The following TSGA13 variants were observed in gnomAD, a reference collection of about 807,000 sequenced individuals.
TSGA13 encodes the protein testis-specific gene 13 protein.
In TSGA13, 37 loss-of-function variants were observed where a neutral mutation model predicts 35.1. The ratio of observed to expected loss-of-function variants is 1.05; its 90% CI spans 0.81 to 1.39. The LOEUF is 1.39. Among genes scored for constraint, TSGA13 ranks in the 40% most tolerant of loss-of-function variants. TSGA13 has a pLI of 0.00. For synonymous variants in TSGA13, 124 were observed against 121.2 expected (o/e 1.02, Z -0.15); for missense variants, 338 against 328.5 (o/e 1.03, Z -0.22).
intron 2 of TSGA13, among the ~76,000 whole-genome samples, chr7:130,684,620 C>A (rs1399020204): frequency 6.6e-6 from 1 of 152,148 alleles, no homozygotes; most frequent in African/African-American, 2.4e-5. Context: ...CTGGCTATAG[C>A]GTGCTACAAA....
At chr7:130,687,403 C>T (rs1255598409), upstream of TSGA13, 1 of 152,174 alleles carries the variant, frequency 6.6e-6, no homozygotes. Context: ...ATTTGTGCCC[C>T]CCTCCCAGTG....
At chr7:130,675,418 C>T (rs1796390370) in intron 5 of TSGA13, among the ~76,000 whole-genome samples, 1 of 151,982 alleles carries the variant, frequency 6.6e-6, no homozygotes, top group Non-Finnish European at 1.5e-5. Flanking sequence ...GAATCTCACT[C>T]TGTTGCCTGG....
rs138738595 is a variant in TSGA13, at chr7:130,679,323, G to A, written c.219C>T (p.Phe73=). The change falls in exon 5 of 8, where the codon TTC becomes TTT. Residue 73 remains phenylalanine (F), a synonymous_variant. Coordinates refer to ENST00000356588, the MANE Select transcript of TSGA13 (RefSeq NM_052933.4). ...KPLKATALQK[F]LAQNRKNTSF... ...TGGTGTTTTTCCTGTTTTGAGCCAG[G>A]AATTTCTGCAGGGCAGTGGCCTTCA... 1.8e-5 allele frequency: 29 copies of A among 1,613,846 alleles called. No homozygotes were observed. In the African/African-American group the frequency reaches 3.7e-4, roughly 21 times the overall value.
chr7:130,681,326 C>T (rs924115373), intron 3 of TSGA13, among the ~76,000 whole-genome samples: 4 of 152,100 alleles, frequency 2.6e-5, no homozygotes, highest in East Asian at 1.9e-4. Context: ...GTTCAGATTG[C>T]GACAAATCTT....
rs141762573 is a variant in TSGA13 at position 130,680,634 on chromosome 7, A to G, written c.174+312T>C. On this transcript the variant is annotated intron_variant, in intron 4 of 7. Coordinates refer to ENST00000356588, the MANE Select transcript of TSGA13 (RefSeq NM_052933.4). The stretch of plus-strand genomic sequence containing the variant: ...GGAGAAAGGCAGAGGGTTGGGGGGA[A>G]GGAAGTGAAAGGGAGAAAATGGATT... Among the ~76,000 whole-genome samples, 782 of 152,272 alleles carry G rather than the reference A, an allele frequency of 5.1e-3. 5 individuals carry two copies. Among genetic ancestry groups the G allele is most frequent in the African/African-American group, 0.018 (743 of 41,548 alleles).
At position 130,679,356 on chromosome 7, in the gene TSGA13, A is replaced by G. The variant is rs782720894; in HGVS notation, c.186T>C (p.Tyr62=). Residue 62 remains tyrosine, a synonymous_variant, in exon 5 of 8, where the codon TAT becomes TAC. Coordinates refer to ENST00000356588, the MANE Select transcript of TSGA13 (RefSeq NM_052933.4). ...YTVHPNLAQY[Y]KPLKATALQK... ...GCAGGGCAGTGGCCTTCAAAGGCTT[A>G]TAGTACTGGGCCTGAACAGACAGAA... is the stretch of plus-strand genomic sequence containing the variant. The G allele has an allele frequency of 2.0e-5, 32 of 1,611,500 alleles. No homozygotes were observed. In the Admixed American group the frequency reaches 5.2e-4, roughly 26 times the overall value.
chr7:130,683,588 C>A lies in TSGA13; in HGVS notation c.102+6G>T. On this transcript the variant is annotated splice_donor_region_variant and intron_variant, in intron 3 of 7. Transcript: ENST00000356588. ...TAAACATTGAACACTTACTAACACTCCTTACCTCTTTGCTATTGACAACCA... is the reference window on the plus strand; with the variant it reads ...TAAACATTGAACACTTACTAACACTACTTACCTCTTTGCTATTGACAACCA... The A allele has an allele frequency of 6.2e-7, 1 of 1,613,390 alleles. No homozygotes were observed. Among genetic ancestry groups the A allele is most frequent in the Non-Finnish European group, 8.5e-7 (1 of 1,179,530 alleles).
chr7:130,670,568 C>T (rs1796239871), intron 7 of TSGA13, among the ~76,000 whole-genome samples: 1 of 152,112 alleles, frequency 6.6e-6, no homozygotes, highest in Admixed American at 6.6e-5. Context: ...AAAACCCAAA[C>T]CTTTATTTAA....
At position 130,669,125 on chromosome 7, in the gene TSGA13, T is replaced by C; in HGVS notation, c.717A>G (p.Thr239=). The C allele has an allele frequency of 6.2e-7, 1 of 1,614,164 alleles. No homozygotes were observed. Among genetic ancestry groups the C allele is most frequent in the Non-Finnish European group, 8.5e-7 (1 of 1,180,026 alleles). The change falls in exon 8 of 8, where the codon ACA becomes ACG. Residue 239 remains threonine, a synonymous_variant. Coordinates refer to ENST00000356588, the MANE Select transcript of TSGA13 (RefSeq NM_052933.4). Reference sequence around the variant, plus strand: ...GCATGTCTTCCAAGAGCGATGCGAGTGTCAGTGGTTCCCGAATCACTTTGG... The same window carrying C: ...GCATGTCTTCCAAGAGCGATGCGAGCGTCAGTGGTTCCCGAATCACTTTGG... ...PISKVIREPL[T]LASLLEDMPT... is the part of the protein sequence containing the mutation.
chr7:130,678,174 C>T (rs951352835), intron 5 of TSGA13, among the ~76,000 whole-genome samples: 1 of 152,036 alleles, frequency 6.6e-6, no homozygotes, highest in East Asian at 2.0e-4. Flanking sequence ...GTCAGAAGAT[C>T]GAGACCATCC....
In TSGA13 at chr7:130,685,286, G is replaced by A. The variant is rs529219247; in HGVS notation, c.-76C>T. 13 of 1,599,488 alleles carry A rather than the reference G, an allele frequency of 8.1e-6. No individual in the cohort carries two copies. The highest frequency in any genetic ancestry group is 6.6e-5 in the South Asian group (6 of 90,446). ...AAATTCAGGTCTCTAAATAGTCCAC[G>A]TTCTGCAGGGGTTCAATTCAATCCA... is the stretch of plus-strand genomic sequence containing the variant. On this transcript the variant is annotated 5_prime_UTR_variant, in exon 2 of 8. In the 5' UTR this introduces an upstream ATG that the reference lacks. Transcript: ENST00000356588.
chr7:130,677,345 C>G (rs1026851839), intron 5 of TSGA13, among the ~76,000 whole-genome samples: 61 of 152,220 alleles, frequency 4.0e-4, no homozygotes, highest in African/African-American at 1.4e-3. Flanking sequence ...ACTAATGCAC[C>G]TTTCTTCAAC....
Position 130,669,019 on chromosome 7 carries a change from C to T in TSGA13, c.823G>A (p.Gly275Arg), listed in dbSNP as rs373857076. Reference protein sequence around the residue: ...QWIIKKATVIG With the variant: ...QWIIKKATVIR ...GAGGACTGAGGGGTCTGTGTTCACC[C>T]GATGACCGTGGCCTTTTTGATAATC... Residue 275 changes from glycine to arginine, a missense_variant, in exon 8 of 8, where the codon GGG (glycine) becomes AGG (arginine). Gly to Arg is a moderately radical substitution (Grantham distance 125). Transcript: ENST00000356588. 6 of 1,614,046 alleles carry T rather than the reference C, an allele frequency of 3.7e-6. No individual in the cohort carries two copies. In the East Asian group the frequency reaches 1.1e-4, roughly 30 times the overall value.
intron 3 of TSGA13, among the ~76,000 whole-genome samples, chr7:130,682,518 C>T (rs1340703036): frequency 6.6e-6 from 1 of 152,090 alleles, no homozygotes; most frequent in Non-Finnish European, 1.5e-5. Flanking sequence ...GCTGGGATTA[C>T]AGGTATGAGC....
At position 130,668,695 on chromosome 7, in the gene TSGA13, C is replaced by CCACCGCAACCGTCCCAGG; in HGVS notation, c.*301_*318dup. ...TTGGACGACTTCCCAGCGCCCAGAC[C>CCACCGCAACCGTCCCAGG]CACCGCAACCGTCCCAGGCGCCGCA... On this transcript the variant is annotated 3_prime_UTR_variant, in exon 8 of 8. Transcript: ENST00000356588. 1 of 1,521,846 alleles carries CCACCGCAACCGTCCCAGG rather than the reference C, an allele frequency of 6.6e-7. No homozygotes were observed. Among genetic ancestry groups the CCACCGCAACCGTCCCAGG allele is most frequent in the Non-Finnish European group, 8.8e-7 (1 of 1,135,514 alleles). The allele number at this position is 1,521,846 out of a possible 1,614,324, so 94.3% of individuals were successfully genotyped here.
Position 130,669,047 on chromosome 7 carries a change from C to G in TSGA13, c.795G>C (p.Gln265His), listed in dbSNP as rs782669312. 4 of 1,614,116 alleles carry G rather than the reference C, an allele frequency of 2.5e-6. No individual in the cohort carries two copies. The African/African-American group carries it at 4.0e-5, about 16-fold the overall frequency. The part of the protein sequence containing the change: ...ESAFRNGRAP[Q>H]WIIKKATVIG ...TGACCGTGGCCTTTTTGATAATCCACTGCGGGGCCCTCCCGTTGCGGAAGG... is the reference window on the plus strand; with the variant it reads ...TGACCGTGGCCTTTTTGATAATCCAGTGCGGGGCCCTCCCGTTGCGGAAGG... The change falls in exon 8 of 8, where the codon CAG (glutamine) becomes CAC (histidine). Residue 265 changes from glutamine to histidine, a missense_variant. Transcript: ENST00000356588.
rs1169593039 is a variant in TSGA13 at position 130,679,382 on chromosome 7, A to G, written c.175-15T>C. ...TAGTACTGGGCCTGAACAGACAGAA[A>G]GGTTTCCAGAGAGAAAAAGAGATTA... On this transcript the variant is annotated splice_polypyrimidine_tract_variant and intron_variant, in intron 4 of 7. Transcript: ENST00000356588. 3 of 1,589,378 alleles carry G rather than the reference A, an allele frequency of 1.9e-6. No homozygotes were observed. Among genetic ancestry groups the G allele is most frequent in the African/African-American group, 2.7e-5 (2 of 74,392 alleles).
chr7:130,684,806 C>T (rs4731699), intron 2 of TSGA13, among the ~76,000 whole-genome samples: 34,920 of 152,054 alleles, frequency 0.23, 4,696 homozygotes, highest in South Asian at 0.35. Flanking sequence ...AAGTTTGTGC[C>T]CTTTCATTAA....
intron 5 of TSGA13, among the ~76,000 whole-genome samples, chr7:130,678,627 C>T (rs1796467762): frequency 6.6e-6 from 1 of 152,156 alleles, no homozygotes; most frequent in Admixed American, 6.5e-5. Flanking sequence ...AGTGAAGACC[C>T]CATTTTCTCC....
Sources: allele counts gnomAD v4.1 joint callset (sites outside exome capture counted in the v4.1 genomes callset), GRCh38; gene constraint gnomAD v4.1.1; transcripts MANE v1.5; gene names NCBI Gene and HGNC (gene_info 2026-07-23, HGNC 2026-07-21).